The following GRAMD1B variants were observed in gnomAD, a reference collection of about 807,000 sequenced individuals.
GRAMD1B encodes protein Aster-B.
In GRAMD1B, 37 loss-of-function variants were observed where a neutral mutation model predicts 99.7. The ratio of observed to expected loss-of-function variants is 0.37; its 90% CI spans 0.29 to 0.49. The LOEUF is 0.49. Ranked by LOEUF, GRAMD1B falls within the 20% of genes least tolerant of loss-of-function variation. The pLI is 0.98. For missense variants in GRAMD1B, 888 were observed against 1,009.2 expected, an observed-to-expected ratio of 0.88 and a Z score of 1.63; for synonymous variants, 427 against 387.6, an observed-to-expected ratio of 1.10 and a Z score of -1.19.
chr11:123,513,539 CTTCCTTTCCTTTCT>C (rs1188220726), intron 2 of GRAMD1B, among the ~76,000 whole-genome samples: 1 of 144,598 alleles, frequency 6.9e-6, no homozygotes, highest in African/African-American at 2.7e-5. Context: ...TCCTTCCTTC[CTTCCTTTCCTTTCT>C]TTCCTTCCTT....
intron 19 of GRAMD1B, among the ~76,000 whole-genome samples, chr11:123,621,708 G>A (rs1297623653): frequency 6.6e-6 from 1 of 152,146 alleles, no homozygotes; most frequent in African/African-American, 2.4e-5. Flanking sequence ...GGTATATTAA[G>A]GATCATCAGG....
intron 2 of GRAMD1B, among the ~76,000 whole-genome samples, chr11:123,489,635 G>A (rs189516396): frequency 5.9e-4 from 90 of 152,264 alleles, no homozygotes; most frequent in Admixed American, 5.8e-3. Context: ...TTTCAGAAGA[G>A]TATATTTGAG....
At chr11:123,542,398 A>G (rs1944624920) in intron 2 of GRAMD1B, among the ~76,000 whole-genome samples, 1 of 152,238 alleles carries the variant, frequency 6.6e-6, no homozygotes, top group Admixed American at 6.5e-5. Context: ...AGAAGCGAAT[A>G]GTCTGAGGGT....
chr11:123,570,388 G>T (rs1947928289), intron 2 of GRAMD1B, among the ~76,000 whole-genome samples: 1 of 151,600 alleles, frequency 6.6e-6, no homozygotes, highest in Non-Finnish European at 1.5e-5. Context: ...ACATTTTACA[G>T]AGAGGAACAA....
At chr11:123,556,026 G>T (rs1044765192) in intron 2 of GRAMD1B, among the ~76,000 whole-genome samples, 4 of 152,166 alleles carry the variant, frequency 2.6e-5, no homozygotes, top group Admixed American at 6.5e-5. Context: ...GAGCCACTGC[G>T]CCTGGCCTTA....
intron 1 of GRAMD1B, among the ~76,000 whole-genome samples, chr11:123,413,371 G>T (rs1948117686): frequency 1.3e-5 from 2 of 152,070 alleles, no homozygotes; most frequent in Admixed American, 1.3e-4. Flanking sequence ...TGACCTCTTT[G>T]TATTTCCTTC....
intron 1 of GRAMD1B, among the ~76,000 whole-genome samples, chr11:123,374,098 G>T (rs1479598469): frequency 6.6e-6 from 1 of 152,120 alleles, no homozygotes; most frequent in East Asian, 1.9e-4. Flanking sequence ...TATTTTCCTG[G>T]TCTGTTCAAA....
At chr11:123,448,065 T>TGCAATGTTGCCTAGGCTGGTCTC (rs1198067751) in intron 1 of GRAMD1B, among the ~76,000 whole-genome samples, 25 of 152,232 alleles carry the variant, frequency 1.6e-4, no homozygotes, top group Non-Finnish European at 2.8e-4. Context: ...GACAGGGTCT[T>TGCAATGTTGCCTAGGCTGGTCTC]GCTATGTTGC....
chr11:123,428,849 T>C (rs74425602), upstream of GRAMD1B, among the ~76,000 whole-genome samples: 18,612 of 152,024 alleles, frequency 0.12, 2,433 homozygotes, highest in African/African-American at 0.33. Context: ...GTGGATCAGA[T>C]TGTGGACTTC....
chr11:123,507,371 A>G (rs1162898281), intron 2 of GRAMD1B, among the ~76,000 whole-genome samples: 1 of 152,226 alleles, frequency 6.6e-6, no homozygotes, highest in Non-Finnish European at 1.5e-5. Context: ...ACCATAGTCT[A>G]GGGCTTATAG....
chr11:123,482,298 C>T (rs1014344930), intron 2 of GRAMD1B, among the ~76,000 whole-genome samples: 6 of 152,052 alleles, frequency 3.9e-5, no homozygotes, highest in African/African-American at 1.2e-4. Flanking sequence ...GGGGCTTCCC[C>T]ATGTTGGTCA....
rs556151091 is a variant in GRAMD1B at position 123,598,377 on chromosome 11, T to C, written c.970-2091T>C. ...ACTCTCACTGATTTGCTCTTTTTCG[T>C]CTTCCTCTCGCTCTTCTCCTGTCCT... On this transcript the variant is annotated intron_variant, in intron 7 of 19. Coordinates refer to ENST00000635736, the MANE Select transcript of GRAMD1B (RefSeq NM_001387025.1). 5 of 1,009,118 alleles carry C rather than the reference T, an allele frequency of 5.0e-6. No homozygotes were observed. In the African/African-American group the frequency reaches 7.9e-5, roughly 16 times the overall value. 62.5% of individuals were successfully genotyped at this position (1,009,118 alleles called of 1,614,324 possible). A position where few individuals can be genotyped will look rare whatever the true frequency, so the allele number is the denominator to read the frequency against.
At chr11:123,604,800 C>G (rs1952477163) in intron 9 of GRAMD1B, among the ~76,000 whole-genome samples, 2 of 152,154 alleles carry the variant, frequency 1.3e-5, no homozygotes, top group Non-Finnish European at 2.9e-5. Flanking sequence ...TGAAGTGTTC[C>G]TCGACGAGCA....
In GRAMD1B at chr11:123,535,852, C is replaced by A. The variant is rs1333265391; in HGVS notation, c.453-41515C>A. Among the ~76,000 whole-genome samples the A allele has an allele frequency of 2.0e-5, 3 of 152,052 alleles. No homozygotes were observed. In the South Asian group the frequency reaches 6.3e-4, roughly 32 times the overall value. On this transcript the variant is annotated intron_variant, in intron 2 of 19. Transcript: ENST00000635736. ...ATATGCAAAGGCTGGGAGGACAAGC[C>A]CCAGAGAATGGAAATCTTGGGAAAT...
chr11:123,432,981 T>TTTGGTAC lies in GRAMD1B; in HGVS notation c.374+1818_374+1824dup, dbSNP rs1252460158. Among the ~76,000 whole-genome samples, 3 of 152,184 alleles carry TTTGGTAC rather than the reference T, an allele frequency of 2.0e-5. No individual in the cohort carries two copies. In the East Asian group the frequency reaches 5.8e-4, roughly 29 times the overall value. On this transcript the variant is annotated intron_variant, in intron 1 of 19. Transcript: ENST00000635736. ...ACGCTGGGGATAGAAGTTCTTTCTG[T>TTTGGTAC]TTGGTACTTCATCCTGCTACCCTTT...
At chr11:123,590,675 GA>G (rs1358373021) in intron 4 of GRAMD1B, among the ~76,000 whole-genome samples, 1 of 152,206 alleles carries the variant, frequency 6.6e-6, no homozygotes, top group Non-Finnish European at 1.5e-5. Flanking sequence ...AGGGGCTGAG[GA>G]AAGGGGTGTG....
At chr11:123,474,485 A>G (rs1253815384) in intron 1 of GRAMD1B, among the ~76,000 whole-genome samples, 2 of 152,226 alleles carry the variant, frequency 1.3e-5, no homozygotes, top group African/African-American at 2.4e-5. Context: ...GTGCAGTTCT[A>G]TAAATAGAGG....
intron 1 of GRAMD1B, among the ~76,000 whole-genome samples, chr11:123,433,679 CGTGTGTGTGTGTGTGTGT>C (rs59262021): frequency 3.5e-5 from 5 of 143,096 alleles, no homozygotes; most frequent in African/African-American, 1.0e-4. Context: ...ATGTTACGTG[CGTGTGTGTGTGTGTGTGT>C]GTGTGTGTGT....
chr11:123,376,728 C>T (rs574666849), intron 1 of GRAMD1B, among the ~76,000 whole-genome samples: 3 of 152,222 alleles, frequency 2.0e-5, no homozygotes, highest in South Asian at 2.1e-4. Flanking sequence ...CCCCTTTGTC[C>T]GGCATCTGGT....
Sources: gnomAD v4.1 joint callset for allele counts (sites outside exome capture counted in the v4.1 genomes callset) on GRCh38, gnomAD v4.1.1 for gene constraint, MANE v1.5 for transcripts, NCBI Gene and HGNC (gene_info 2026-07-23, HGNC 2026-07-21) for gene names.